The following PPP1R21 variants were observed in gnomAD, a reference collection of about 807,000 sequenced individuals.
PPP1R21 encodes the protein KLRAQ motif containing 1.
In PPP1R21, 85 loss-of-function variants were observed where a neutral mutation model predicts 112.8. The observed-to-expected ratio is 0.75, with a 90% CI of 0.63 to 0.90. PPP1R21 has a LOEUF of 0.90. Ranked by LOEUF, PPP1R21 falls within the 40% of genes least tolerant of loss-of-function variation. The pLI is 0.00. For synonymous variants in PPP1R21, 381 were observed against 322.3 expected (o/e 1.18, Z -1.95); for missense variants, 1,199 against 901.5 (o/e 1.33, Z -4.23).
In PPP1R21 at chr2:48,491,100, G is replaced by A; in HGVS notation, c.1529G>A (p.Ser510Asn). 1 of 1,614,130 alleles carries A rather than the reference G, an allele frequency of 6.2e-7. No individual in the cohort carries two copies. The highest frequency in any genetic ancestry group is 8.5e-7 in the Non-Finnish European group (1 of 1,180,020). The change falls in exon 15 of 22, where the codon AGT becomes AAT. Residue 510 changes from serine to asparagine, a missense_variant. Ser to Asn is a conservative substitution (Grantham distance 46). Coordinates refer to ENST00000294952, the MANE Select transcript of PPP1R21 (RefSeq NM_001135629.3). The stretch of plus-strand genomic sequence containing the variant: ...CCTAAGGCAGCGAGTGGATTCATTA[G>A]TCCTCTTTCAGCTGAATGCATGCTA... ...YGPKAASGFI[S>N]PLSAECMLQY...
intron 9 of PPP1R21, among the ~76,000 whole-genome samples, chr2:48,467,732 C>T (rs993434321): frequency 2.0e-5 from 3 of 152,194 alleles, no homozygotes; most frequent in South Asian, 2.1e-4. Context: ...TCTTCAGTAT[C>T]GTATTGGTCA....
At chr2:48,483,636 C>G (rs1299379843) in intron 13 of PPP1R21, among the ~76,000 whole-genome samples, 4 of 152,176 alleles carry the variant, frequency 2.6e-5, no homozygotes, top group African/African-American at 9.7e-5. Context: ...GTATTTTACC[C>G]TTCTCTACCC....
chr2:48,461,240 T>C lies in PPP1R21; in HGVS notation c.694+8T>C, dbSNP rs1277208543. 2 of 1,541,406 alleles carry C rather than the reference T, an allele frequency of 1.3e-6. No homozygotes were observed. Among genetic ancestry groups the C allele is most frequent in the South Asian group, 2.5e-5 (2 of 78,456 alleles). ...TACCTTTTAATGATACAAGTAGGTA[T>C]TATGTACAGTTTTCCATTATTTGTA... On this transcript the variant is annotated splice_region_variant and intron_variant, in intron 7 of 21. Transcript: ENST00000294952.
intron 21 of PPP1R21, among the ~76,000 whole-genome samples, chr2:48,511,834 G>A (rs1190586198): frequency 6.6e-6 from 1 of 151,874 alleles, no homozygotes; most frequent in Admixed American, 6.6e-5. Flanking sequence ...TTGTGCCACG[G>A]CACTCCAGCC....
At chr2:48,449,569 C>G (rs1263463154) in intron 1 of PPP1R21, among the ~76,000 whole-genome samples, 1 of 152,050 alleles carries the variant, frequency 6.6e-6, no homozygotes, top group Non-Finnish European at 1.5e-5. Flanking sequence ...CTGCAGTATT[C>G]CTGCATTTTA....
At chr2:48,452,218 G>T (rs1297798181) in intron 2 of PPP1R21, among the ~76,000 whole-genome samples, 3 of 152,194 alleles carry the variant, frequency 2.0e-5, no homozygotes, top group African/African-American at 7.2e-5. Flanking sequence ...ATACCCTCCT[G>T]TTGCTGGTTG....
intron 13 of PPP1R21, among the ~76,000 whole-genome samples, chr2:48,484,632 T>C (rs374630805): frequency 2.5e-4 from 38 of 152,042 alleles, no homozygotes; most frequent in African/African-American, 8.4e-4. Context: ...TTCTTATGCC[T>C]CTAGCACCTG....
At chr2:48,511,217 A>T (rs1296694340) in intron 20 of PPP1R21, 123 bp from the exon 21 acceptor site, 25 of 957,086 alleles carry the variant, frequency 2.6e-5, no homozygotes, top group Non-Finnish European at 3.6e-5. Context: ...ATTTTGAAAT[A>T]TACAGTAAAT....
In PPP1R21 at chr2:48,460,149, G is replaced by A; in HGVS notation, c.595G>A (p.Glu199Lys). Residue 199 changes from glutamate to lysine, a missense_variant, in exon 6 of 22, where the codon GAA becomes AAA. Transcript: ENST00000294952. ...CAAGGAATGTCGACTTCGAACGGAA[G>A]AATGGTATGTGGAAACTTGAATTCC... ...EAKECRLRTE[E>K]CQLQLKTLHE... The A allele has an allele frequency of 1.2e-6, 2 of 1,614,138 alleles. No homozygotes were observed. The highest frequency in any genetic ancestry group is 2.2e-5 in the South Asian group (2 of 91,070).
At chr2:48,463,381 G>A (rs1392711225) in intron 7 of PPP1R21, among the ~76,000 whole-genome samples, 4 of 152,204 alleles carry the variant, frequency 2.6e-5, no homozygotes, top group African/African-American at 7.2e-5. Context: ...CAAGGCGACT[G>A]GGTTTGGTGA....
At chr2:48,511,657 T>C (rs1473462214) in intron 21 of PPP1R21, among the ~76,000 whole-genome samples, 189 bp downstream of exon 21, 2 of 149,812 alleles carry the variant, frequency 1.3e-5, no homozygotes, top group Non-Finnish European at 3.0e-5. Context: ...AGGCCAGGAG[T>C]TGGAGAGCAG....
At chr2:48,507,685 G>C (rs1008719445) in intron 19 of PPP1R21, among the ~76,000 whole-genome samples, 8 of 139,480 alleles carry the variant, frequency 5.7e-5, no homozygotes, top group African/African-American at 2.1e-4. Flanking sequence ...ATATTGACTA[G>C]TCTGTATACC....
In PPP1R21 at chr2:48,505,476, G is replaced by A. The variant is rs572357547; in HGVS notation, c.1936-88G>A. The A allele has an allele frequency of 2.0e-5, 19 of 964,582 alleles. No individual in the cohort carries two copies. The East Asian group carries it at 2.1e-4, about 11-fold the overall frequency. 59.8% of individuals were successfully genotyped at this position (964,582 alleles called of 1,614,324 possible). On this transcript the variant is annotated intron_variant, in intron 17 of 21. Transcript: ENST00000294952. ...TCTGTACCCTCAATGCTCTGTGAAC[G>A]GAGAGGAGAAAATATTAAAAGCGTT...
At chr2:48,490,881 A>G in intron 14 of PPP1R21, 137 bp from the exon 15 acceptor site, 1 of 680,500 alleles carries the variant, frequency 1.5e-6, no homozygotes, top group Non-Finnish European at 2.5e-6. Context: ...ATAAATGTGG[A>G]CTTTGGGGCA....
intron 17 of PPP1R21, among the ~76,000 whole-genome samples, chr2:48,504,438 C>G (rs1041936860): frequency 1.3e-5 from 2 of 152,080 alleles, no homozygotes; most frequent in African/African-American, 2.4e-5. Context: ...GTCAGGAGTT[C>G]AAGACCAGCC....
chr2:48,447,459 A>G (rs981685571), intron 1 of PPP1R21, among the ~76,000 whole-genome samples: 56 of 152,214 alleles, frequency 3.7e-4, no homozygotes, highest in Admixed American at 3.3e-3. Flanking sequence ...TATCATCTGC[A>G]GGAGAGTTTT....
chr2:48,495,556 G>A (rs1438677123), intron 15 of PPP1R21, 123 bp from the exon 16 acceptor site: 4 of 611,460 alleles, frequency 6.5e-6, no homozygotes, highest in African/African-American at 1.8e-5. Flanking sequence ...AAAGAAAATA[G>A]TCTGCTTTGA....
At chr2:48,441,612 G>C (rs1558404170) in intron 1 of PPP1R21, 1 of 154,796 alleles carries the variant, frequency 6.5e-6, no homozygotes, top group East Asian at 1.9e-4. Context: ...TTGTCCCTCG[G>C]TCACCTAGAA....
chr2:48,459,153 A>AT (rs1325901485), intron 4 of PPP1R21, among the ~76,000 whole-genome samples: 255 of 146,912 alleles, frequency 1.7e-3, no homozygotes, highest in African/African-American at 5.9e-3. Context: ...CTCCTTACTT[A>AT]TTTTTTTTTG....
Sources: gnomAD v4.1 joint callset for allele counts (sites outside exome capture counted in the v4.1 genomes callset) on GRCh38, gnomAD v4.1.1 for gene constraint, MANE v1.5 for transcripts, NCBI Gene and HGNC (gene_info 2026-07-23, HGNC 2026-07-21) for gene names.